LEUTX: variants seen among roughly 807,000 people sequenced by gnomAD.
LEUTX encodes the protein paired-like homeodomain transcription factor LEUTX.
In LEUTX, 5 loss-of-function variants were observed where a neutral mutation model predicts 4.5. That is an observed-to-expected ratio of 1.11 (90% CI 0.58 to 2.34). The LOEUF (loss-of-function observed/expected upper bound fraction) is 2.34, where lower values mean the gene tolerates loss of function less well. LEUTX is among the 30% of genes most tolerant of loss of function. The probability of loss-of-function intolerance (pLI) is 0.01; values close to 1 mark genes in which losing one functional copy is unlikely to be tolerated. For synonymous variants in LEUTX, 89 were observed against 85.1 expected (o/e 1.05, Z -0.25); for missense variants, 233 against 239.4 (o/e 0.97, Z 0.18).
At chr19:39,780,568 T>C (rs1340341475) in intron 1 of LEUTX, among the ~76,000 whole-genome samples, 2 of 152,208 alleles carry the variant, frequency 1.3e-5, no homozygotes, top group African/African-American at 4.8e-5. Flanking sequence ...GAGATATTTT[T>C]AGTCACATAA....
At chr19:39,784,496 A>T in intron 1 of LEUTX, 31 bp from the exon 2 acceptor site, 1 of 769,696 alleles carries the variant, frequency 1.3e-6, no homozygotes, top group Non-Finnish European at 2.3e-6. Flanking sequence ...GAATTTTTTT[A>T]ATGAAAGCCT....
At position 39,784,515 on chromosome 19, in the gene LEUTX, T is replaced by C; in HGVS notation, c.8-12T>C. The C allele has an allele frequency of 1.2e-6, 1 of 852,722 alleles. No homozygotes were observed. Among genetic ancestry groups the C allele is most frequent in the South Asian group, 1.4e-5 (1 of 70,228 alleles). 52.8% of individuals were successfully genotyped at this position (852,722 alleles called of 1,614,324 possible). ...TTTTTTAATGAAAGCCTTTTATCTG[T>C]TCCCTCTGCAGAAGGGCCAAGGCGT... On this transcript the variant is annotated splice_polypyrimidine_tract_variant and intron_variant, in intron 1 of 2. Transcript: ENST00000638280.
upstream of LEUTX, among the ~76,000 whole-genome samples, chr19:39,778,086 C>T (rs1967825647): frequency 6.6e-6 from 1 of 150,984 alleles, no homozygotes; most frequent in Admixed American, 6.6e-5. Flanking sequence ...GAATTACACT[C>T]ACCCCACAAA....
chr19:39,783,102 C>T (rs1967911310), intron 1 of LEUTX, among the ~76,000 whole-genome samples: 1 of 151,754 alleles, frequency 6.6e-6, no homozygotes, highest in Non-Finnish European at 1.5e-5. Flanking sequence ...CATAGCTTAG[C>T]TCCCACTTAT....
In LEUTX at chr19:39,784,404, C is replaced by T. The variant is rs151151157; in HGVS notation, c.8-123C>T. 400 of 547,218 alleles carry T rather than the reference C, an allele frequency of 7.3e-4. 5 individuals are homozygous for T. In the East Asian group the frequency reaches 8.9e-3, roughly 12 times the overall value. The allele number at this position is 547,218 out of a possible 1,614,324, so 33.9% of individuals were successfully genotyped here. On this transcript the variant is annotated intron_variant, in intron 1 of 2. Coordinates refer to ENST00000638280, the MANE Select transcript of LEUTX (RefSeq NM_001382345.1). ...ATTTGTGTAGGCTCTGTCAGAGGGA[C>T]GGTCTAGGGCTCAAGGCTGTTGTTC...
In LEUTX at chr19:39,784,669, C is replaced by T. The variant is rs866030454; in HGVS notation, c.150C>T (p.Ser50=). 50 of 1,551,294 alleles carry T rather than the reference C, an allele frequency of 3.2e-5. No homozygotes were observed. The highest frequency in any genetic ancestry group is 3.9e-5 in the Non-Finnish European group (45 of 1,146,756). Residue 50 remains serine (S), a synonymous_variant, in exon 2 of 3, where the codon TCC becomes TCT. Coordinates refer to ENST00000638280, the MANE Select transcript of LEUTX (RefSeq NM_001382345.1). ...CTTCAAAGCTACAACTTGATCTATC[C>T]GTAGTAAAGGTCTGTTCCCAAGTGT... ...KLASKLQLDL[S]VVKIWFKNQR... is the part of the protein sequence containing the mutation.
chr19:39,781,489 T>C (rs187262093), intron 1 of LEUTX, among the ~76,000 whole-genome samples: 282 of 152,276 alleles, frequency 1.9e-3, no homozygotes, highest in African/African-American at 6.5e-3. Flanking sequence ...GTGTTGGAGG[T>C]GGGCCTGGTG....
At position 39,786,277 on chromosome 19, in the gene LEUTX, C is replaced by A; in HGVS notation, c.*142C>A. ...TTCTGTAGAAAAAACAATAAAGGAA[C>A]TCCCCTACCTTTCATCATTGCCTGC... is the stretch of plus-strand genomic sequence containing the variant. On this transcript the variant is annotated 3_prime_UTR_variant, in exon 3 of 3. Coordinates refer to ENST00000638280, the MANE Select transcript of LEUTX (RefSeq NM_001382345.1). 1.6e-6 allele frequency: 1 copy of A among 622,162 alleles called. No homozygotes were observed. The highest frequency in any genetic ancestry group is 2.6e-6 in the Non-Finnish European group (1 of 385,668). 38.5% of individuals were successfully genotyped at this position (622,162 alleles called of 1,614,324 possible). A position where few individuals can be genotyped will look rare whatever the true frequency, so the allele number is the denominator to read the frequency against.
chr19:39,785,737 C>T lies in LEUTX; in HGVS notation c.199C>T (p.Gln67Ter). The change falls in exon 3 of 3, where the codon CAG (glutamine) becomes TAG (stop). Residue 67 changes from glutamine to a stop codon, truncating the protein, a stop_gained. Transcript: ENST00000638280. LOFTEE classifies it low-confidence loss of function (END_TRUNC). ...CCAGCGTGCCAAATGGAAGAGGCAG[C>T]AGCGGCAGCAAATGCAGACACGGCC... is the stretch of plus-strand genomic sequence containing the variant. The part of the protein sequence containing the change: ...KNQRAKWKRQ[Q>*]RQQMQTRPSL... 1 of 1,551,764 alleles carries T rather than the reference C, an allele frequency of 6.4e-7. No individual in the cohort carries two copies. Among genetic ancestry groups the T allele is most frequent in the Non-Finnish European group, 8.7e-7 (1 of 1,146,996 alleles).
intron 2 of LEUTX, 89 bp from the exon 3 acceptor site, chr19:39,785,609 C>A: frequency 1.0e-6 from 1 of 991,088 alleles, no homozygotes; most frequent in South Asian, 1.7e-5. Context: ...GACTCTCTCT[C>A]ACACCAAAAA....
intron 2 of LEUTX, among the ~76,000 whole-genome samples, chr19:39,785,410 G>T (rs1967950964): frequency 6.6e-6 from 1 of 151,620 alleles, no homozygotes; most frequent in African/African-American, 2.4e-5. Flanking sequence ...TGCACTCCAG[G>T]CTGGGTGACA....
chr19:39,782,273 G>A (rs369366162), intron 1 of LEUTX, among the ~76,000 whole-genome samples: 10 of 152,120 alleles, frequency 6.6e-5, no homozygotes, highest in Admixed American at 1.3e-4. Flanking sequence ...ATTCCCATGC[G>A]TTGTGGGAAG....
chr19:39,780,314 T>C (rs73546622), intron 1 of LEUTX, among the ~76,000 whole-genome samples: 6,484 of 152,292 alleles, frequency 0.043, 486 homozygotes, highest in African/African-American at 0.15. Flanking sequence ...GTGTTGCTTT[T>C]CTAAAGACCA....
intron 1 of LEUTX, among the ~76,000 whole-genome samples, chr19:39,782,755 A>C (rs1418390295): frequency 6.6e-6 from 1 of 152,230 alleles, no homozygotes; most frequent in African/African-American, 2.4e-5. Context: ...ACTCCCAGCA[A>C]GAGAGTGAGG....
At chr19:39,780,242 T>C (rs1339291039) in intron 1 of LEUTX, among the ~76,000 whole-genome samples, 1 of 152,194 alleles carries the variant, frequency 6.6e-6, no homozygotes, top group Non-Finnish European at 1.5e-5. Context: ...GCTTGGTAGA[T>C]GATTTTAAAC....
chr19:39,785,971 C>G lies in LEUTX; in HGVS notation c.433C>G (p.Gln145Glu). The G allele has an allele frequency of 7.1e-6, 11 of 1,551,794 alleles. No homozygotes were observed. Among genetic ancestry groups the G allele is most frequent in the Non-Finnish European group, 9.6e-6 (11 of 1,147,020 alleles). ...SWDSQSYDIE[Q>E]ICLGASNPPW... is the part of the protein sequence containing the mutation. Reference sequence around the variant, plus strand: ...GGATTCTCAGTCATATGACATTGAACAGATATGTCTGGGGGCTTCAAATCC... The same window carrying G: ...GGATTCTCAGTCATATGACATTGAAGAGATATGTCTGGGGGCTTCAAATCC... Residue 145 changes from glutamine to glutamate, a missense_variant, in exon 3 of 3, where the codon CAG becomes GAG. Transcript: ENST00000638280.
At chr19:39,785,550 C>A in intron 2 of LEUTX, 148 bp from the exon 3 acceptor site, 1 of 645,886 alleles carries the variant, frequency 1.5e-6, no homozygotes, top group Non-Finnish European at 2.7e-6. Context: ...CCCTTGAAAC[C>A]CAGGACAGCA....
At chr19:39,781,052 CTTCT>C (rs963211809) in intron 1 of LEUTX, among the ~76,000 whole-genome samples, 8 of 151,942 alleles carry the variant, frequency 5.3e-5, no homozygotes, top group South Asian at 2.1e-4. Flanking sequence ...CTTTCCTCCT[CTTCT>C]TTCTTTTTCT....
chr19:39,785,662 C>T, intron 2 of LEUTX, 36 bp from the exon 3 acceptor site: 1 of 1,502,192 alleles, frequency 6.7e-7, no homozygotes, highest in Non-Finnish European at 9.0e-7. Context: ...TTATACTCAA[C>T]ATCCATTATT....
Sources: allele counts gnomAD v4.1 joint callset (sites outside exome capture counted in the v4.1 genomes callset), GRCh38; gene constraint gnomAD v4.1.1; transcripts MANE v1.5; gene names NCBI Gene and HGNC (gene_info 2026-07-23, HGNC 2026-07-21).